Variants in LMOD1 observed in about 807,000 individuals in gnomAD.
LMOD1 encodes the protein leiomodin-1.
In LMOD1, 8 loss-of-function variants were observed where a neutral mutation model predicts 36.5. The ratio of observed to expected loss-of-function variants is 0.22; its 90% CI spans 0.13 to 0.40. The LOEUF is 0.40. Ranked by LOEUF, LMOD1 falls within the 10% of genes least tolerant of loss-of-function variation. LMOD1 has a pLI of 1.00. For missense variants in LMOD1, 630 were observed against 751.1 expected, an observed-to-expected ratio of 0.84 and a Z score of 1.88; for synonymous variants, 284 against 288.7, an observed-to-expected ratio of 0.98 and a Z score of 0.17.
In LMOD1 at chr1:201,901,538, A is replaced by G. The variant is rs1439027351; in HGVS notation, c.262-787T>C. On this transcript the variant is annotated intron_variant, in intron 1 of 2. Transcript: ENST00000367288. ...TATATATATATATATATGTATATAT[A>G]TATATATATATATACATATATATAT... Among the ~76,000 whole-genome samples, 271 of 53,612 alleles carry G rather than the reference A, an allele frequency of 5.1e-3. 19 individuals carry two copies. The highest frequency in any genetic ancestry group is 0.019 in the African/African-American group (250 of 12,986). 35.2% of individuals were successfully genotyped at this position (53,612 alleles called of 152,430 possible). A position where few individuals can be genotyped will look rare whatever the true frequency, so the allele number is the denominator to read the frequency against.
At chr1:201,933,134 G>A (rs189498861) in intron 1 of LMOD1, among the ~76,000 whole-genome samples, 1 of 152,212 alleles carries the variant, frequency 6.6e-6, no homozygotes, top group East Asian at 1.9e-4. Flanking sequence ...AAATGCTACA[G>A]ATGGTGTGGT....
intron 1 of LMOD1, among the ~76,000 whole-genome samples, chr1:201,935,681 C>G (rs1018698390): frequency 1.3e-5 from 2 of 151,814 alleles, no homozygotes; most frequent in Non-Finnish European, 2.9e-5. Context: ...CTCAGCCTCC[C>G]GAGTACCTGG....
intron 1 of LMOD1, among the ~76,000 whole-genome samples, chr1:201,909,978 C>G (rs893986528): frequency 6.6e-6 from 1 of 152,228 alleles, no homozygotes; most frequent in Non-Finnish European, 1.5e-5. Context: ...AGACACAGCC[C>G]TTCACCCCCA....
intron 1 of LMOD1, among the ~76,000 whole-genome samples, chr1:201,929,637 G>T (rs77095129): frequency 0.051 from 7,703 of 152,258 alleles, 396 homozygotes; most frequent in African/African-American, 0.14. Flanking sequence ...TTTTCAAATA[G>T]TCTCAGAAGG....
At chr1:201,900,824 T>TG in intron 1 of LMOD1, 73 bp from the exon 2 acceptor site, 7 of 1,353,050 alleles carry the variant, frequency 5.2e-6, no homozygotes, top group Non-Finnish European at 7.0e-6. Flanking sequence ...TGGGGATGTG[T>TG]GGGGGAGCGC....
At chr1:201,904,756 T>G (rs1007423113) in intron 1 of LMOD1, among the ~76,000 whole-genome samples, 1 of 152,150 alleles carries the variant, frequency 6.6e-6, no homozygotes, top group African/African-American at 2.4e-5. Context: ...TAGCCAGGAA[T>G]GAGAGGGGCT....
intron 1 of LMOD1, among the ~76,000 whole-genome samples, chr1:201,909,249 G>T (rs1428129082): frequency 1.3e-5 from 2 of 152,184 alleles, no homozygotes; most frequent in East Asian, 3.9e-4. Context: ...GAGGCAACTC[G>T]TGGGGGTGGG....
chr1:201,919,234 G>T (rs74759283), intron 1 of LMOD1, among the ~76,000 whole-genome samples: 1,854 of 150,850 alleles, frequency 0.012, 38 homozygotes, highest in African/African-American at 0.041. Flanking sequence ...TTTTTGGGGG[G>T]TCAGAGCCTC....
chr1:201,932,849 T>C (rs1448802156), intron 1 of LMOD1, among the ~76,000 whole-genome samples: 2 of 152,212 alleles, frequency 1.3e-5, no homozygotes, highest in Non-Finnish European at 2.9e-5. Context: ...CTTTTCCTCA[T>C]GGAGACCTTC....
rs1325891120 is a variant in LMOD1, at chr1:201,899,496, T to C, written c.1517A>G (p.Lys506Arg). ...LEVPKAGAVA[K>R]GSPKPSPQPS... is the part of the protein sequence containing the mutation. The stretch of plus-strand genomic sequence containing the variant: ...TTGAGGTGAAGGTTTTGGGGAGCCC[T>C]TAGCCACGGCCCCGGCCTTGGGTAC... The change falls in exon 2 of 3, where the codon AAG (lysine) becomes AGG (arginine). Residue 506 changes from lysine to arginine, a missense_variant. By Grantham distance (26) the Lys-to-Arg change is conservative (BLOSUM62 2). Coordinates refer to ENST00000367288, the MANE Select transcript of LMOD1 (RefSeq NM_012134.3). This position sits in a 1 kb window ranked among gnomAD's most constrained non-coding sequence, Gnocchi z 6.3. The C allele has an allele frequency of 3.1e-6, 5 of 1,613,888 alleles. No individual in the cohort carries two copies. The African/African-American group carries it at 5.3e-5, about 17-fold the overall frequency.
intron 1 of LMOD1, among the ~76,000 whole-genome samples, chr1:201,936,401 A>C (rs1438688638): frequency 1.3e-5 from 2 of 152,152 alleles, no homozygotes; most frequent in Non-Finnish European, 2.9e-5. Context: ...CATGGCACTT[A>C]GAATAAAAAG....
intron 1 of LMOD1, among the ~76,000 whole-genome samples, chr1:201,933,371 G>A (rs1172807865): frequency 2.0e-5 from 3 of 150,076 alleles, no homozygotes; most frequent in East Asian, 2.0e-4. Context: ...CCAAGATCTC[G>A]TCATTGCACT....
intron 1 of LMOD1, among the ~76,000 whole-genome samples, chr1:201,905,223 C>T (rs942759382): frequency 4.6e-5 from 7 of 152,162 alleles, no homozygotes; most frequent in Non-Finnish European, 7.3e-5. Context: ...AAAGGATGAC[C>T]TCTGAAAGCC....
Position 201,900,853 on chromosome 1 carries a change from G to T in LMOD1, c.262-102C>A, listed in dbSNP as rs571989467. On this transcript the variant is annotated intron_variant, in intron 1 of 2. Coordinates refer to ENST00000367288, the MANE Select transcript of LMOD1 (RefSeq NM_012134.3). ...GGAGCGCTTACATAACTGCCCTTGA[G>T]CCTCTGAAGGACAGTTGTGCTGTTT... 7.1e-6 allele frequency: 7 copies of T among 990,850 alleles called. No homozygotes were observed. In the Admixed American group the frequency reaches 1.4e-4, roughly 20 times the overall value. 61.4% of individuals were successfully genotyped at this position (990,850 alleles called of 1,614,324 possible).
chr1:201,905,882 C>T (rs994331818), intron 1 of LMOD1, among the ~76,000 whole-genome samples: 4 of 152,200 alleles, frequency 2.6e-5, no homozygotes, highest in African/African-American at 9.7e-5. Context: ...TTGACTGCAC[C>T]CTCACAGGTG....
At chr1:201,922,567 T>G (rs980573888) in intron 1 of LMOD1, among the ~76,000 whole-genome samples, 1 of 152,042 alleles carries the variant, frequency 6.6e-6, no homozygotes, top group Non-Finnish European at 1.5e-5. Flanking sequence ...CGGTTGCCAG[T>G]GGCTGGTGGG....
Position 201,897,202 on chromosome 1 carries a change from AGT to A in LMOD1, c.*1168_*1169del. The A allele has an allele frequency of 3.2e-5, 6 of 188,918 alleles. No homozygotes were observed. Among genetic ancestry groups the A allele is most frequent in the Admixed American group, 1.1e-4 (2 of 18,764 alleles). The allele number at this position is 188,918 out of a possible 1,614,324, so 11.7% of individuals were successfully genotyped here. ...CAGATATGGGTGCTATTCTCCAAAT[AGT>A]CACTCCACTTCTCTGCCTGCCGCCT... On this transcript the variant is annotated 3_prime_UTR_variant, in exon 3 of 3. Coordinates refer to ENST00000367288, the MANE Select transcript of LMOD1 (RefSeq NM_012134.3).
At chr1:201,941,825 G>T (rs1474417594) in intron 1 of LMOD1, among the ~76,000 whole-genome samples, 1 of 152,234 alleles carries the variant, frequency 6.6e-6, no homozygotes, top group Non-Finnish European at 1.5e-5. Context: ...ACCCCCACCA[G>T]CTCAGCTGCC....
intron 1 of LMOD1, among the ~76,000 whole-genome samples, chr1:201,913,022 G>A (rs1306634152): frequency 1.3e-5 from 2 of 152,166 alleles, no homozygotes; most frequent in African/African-American, 4.8e-5. Flanking sequence ...GGCAAGGCAG[G>A]CCAGCTCCCA....
Sources: gnomAD v4.1 joint callset for allele counts (sites outside exome capture counted in the v4.1 genomes callset) on GRCh38, gnomAD v4.1.1 for gene constraint, Gnocchi (gnomAD v3.1) non-coding constraint, MANE v1.5 for transcripts, NCBI Gene and HGNC (gene_info 2026-07-23, HGNC 2026-07-21) for gene names.